The following NDST4 variants were observed in gnomAD, a reference collection of about 807,000 sequenced individuals.
NDST4 encodes the protein N-deacetylase and N-sulfotransferase 4, also known as N-heparan sulfate sulfotransferase 4.
NDST4 carries 63 observed loss-of-function variants against 100.8 expected under a neutral mutation model. The ratio of observed to expected loss-of-function variants is 0.62; its 90% confidence interval spans 0.51 to 0.77. NDST4 has a LOEUF of 0.77. NDST4 is among the 30% of genes least tolerant of loss of function. The pLI is 0.00. For synonymous variants in NDST4, 377 were observed against 361.8 expected, an observed-to-expected ratio of 1.04 and a Z score of -0.48; for missense variants, 943 against 1,018.4, an observed-to-expected ratio of 0.93 and a Z score of 1.01.
chr4:114,907,091 T>A (rs1237231907), intron 6 of NDST4, among the ~76,000 whole-genome samples: 2 of 152,130 alleles, frequency 1.3e-5, no homozygotes, highest in Non-Finnish European at 2.9e-5. Context: ...TAACTAGCTA[T>A]AGCACATTGG....
chr4:114,977,322 G>T, intron 2 of NDST4, 48 bp from the exon 3 acceptor site: 1 of 1,306,730 alleles, frequency 7.7e-7, no homozygotes, highest in Non-Finnish European at 1.1e-6. Context: ...TAAATATGAA[G>T]TTTTGGGATG....
At chr4:115,081,359 A>G (rs894857359) in intron 1 of NDST4, among the ~76,000 whole-genome samples, 2 of 152,148 alleles carry the variant, frequency 1.3e-5, no homozygotes, top group East Asian at 1.9e-4. Context: ...TTGATATACC[A>G]TAAGTGTTTA....
At chr4:114,882,551 T>C (rs2126201852) in intron 6 of NDST4, among the ~76,000 whole-genome samples, 1 of 151,106 alleles carries the variant, frequency 6.6e-6, no homozygotes, top group African/African-American at 2.4e-5. Context: ...TGAAGAGAGG[T>C]AAAGAGAAAC....
intron 2 of NDST4, among the ~76,000 whole-genome samples, chr4:115,001,130 C>T (rs1727281023): frequency 6.6e-6 from 1 of 152,028 alleles, no homozygotes; most frequent in South Asian, 2.1e-4. Flanking sequence ...ACATTCAGAC[C>T]ATAGCATTTA....
intron 2 of NDST4, among the ~76,000 whole-genome samples, chr4:115,050,207 G>A (rs955982673): frequency 2.6e-5 from 4 of 152,060 alleles, no homozygotes; most frequent in African/African-American, 9.7e-5. Context: ...AATGGTAATA[G>A]TTTTGGTCTG....
intron 6 of NDST4, among the ~76,000 whole-genome samples, chr4:114,916,753 T>C (rs1039013794): frequency 5.9e-5 from 9 of 151,926 alleles, no homozygotes; most frequent in Admixed American, 5.2e-4. Flanking sequence ...ATTTGAACTC[T>C]TGGGCTTAAG....
At chr4:114,831,567 C>T (rs11943929) in intron 12 of NDST4, among the ~76,000 whole-genome samples, 21,023 of 152,056 alleles carry the variant, frequency 0.14, 2,650 homozygotes, top group African/African-American at 0.33. Context: ...CATATTTATA[C>T]ACATGCTGAG....
chr4:114,836,273 T>G (rs1165568026), intron 11 of NDST4, among the ~76,000 whole-genome samples: 1 of 152,238 alleles, frequency 6.6e-6, no homozygotes, highest in Non-Finnish European at 1.5e-5. Flanking sequence ...CCATATTTAG[T>G]GCTTCTGTCA....
chr4:115,080,569 C>T (rs1363043907), intron 1 of NDST4, among the ~76,000 whole-genome samples: 1 of 152,060 alleles, frequency 6.6e-6, no homozygotes, highest in Admixed American at 6.6e-5. Context: ...TTGGTTTGGT[C>T]TGAAATATAT....
intron 1 of NDST4, among the ~76,000 whole-genome samples, chr4:115,078,648 G>T (rs114874128): frequency 0.011 from 1,671 of 152,114 alleles, 15 homozygotes; most frequent in African/African-American, 0.02. Context: ...AGATCAGCCT[G>T]GTAGGGATAG....
chr4:115,098,336 C>T (rs188785691), intron 1 of NDST4, among the ~76,000 whole-genome samples: 41 of 152,242 alleles, frequency 2.7e-4, no homozygotes, highest in African/African-American at 9.4e-4. Flanking sequence ...GATGTGAAGA[C>T]TGACATGGTA....
intron 4 of NDST4, among the ~76,000 whole-genome samples, chr4:114,960,151 G>T (rs1726229817): frequency 6.6e-6 from 1 of 152,202 alleles, no homozygotes; most frequent in Admixed American, 6.5e-5. Flanking sequence ...ATCAGTAATT[G>T]TATATCTAGC....
At chr4:115,106,567 T>C (rs1729837209) in intron 1 of NDST4, among the ~76,000 whole-genome samples, 1 of 152,110 alleles carries the variant, frequency 6.6e-6, no homozygotes, top group African/African-American at 2.4e-5. Context: ...CCTAATACGA[T>C]GTGAATGATA....
intron 2 of NDST4, among the ~76,000 whole-genome samples, chr4:115,034,269 T>G (rs1321360658): frequency 6.6e-6 from 1 of 152,090 alleles, no homozygotes; most frequent in African/African-American, 2.4e-5. Flanking sequence ...TTGTTTACTC[T>G]GTCCCAAGTG....
At chr4:114,850,756 A>G (rs1409782662) in intron 8 of NDST4, among the ~76,000 whole-genome samples, 1 of 152,164 alleles carries the variant, frequency 6.6e-6, no homozygotes, top group African/African-American at 2.4e-5. Flanking sequence ...TCTAAGGCCA[A>G]TGAGTTATGC....
chr4:114,863,158 CAT>C (rs1435692893), intron 7 of NDST4, among the ~76,000 whole-genome samples: 1 of 152,152 alleles, frequency 6.6e-6, no homozygotes, highest in East Asian at 1.9e-4. Flanking sequence ...TACCAGCAAA[CAT>C]AATGTCTAAC....
chr4:114,998,236 T>G (rs1727208017), intron 2 of NDST4, among the ~76,000 whole-genome samples: 1 of 152,172 alleles, frequency 6.6e-6, no homozygotes. Context: ...TGCTTCACAC[T>G]GTAACTTTCT....
At chr4:115,078,650 T>A (rs114685092) in intron 1 of NDST4, among the ~76,000 whole-genome samples, 1,687 of 151,966 alleles carry the variant, frequency 0.011, 15 homozygotes, top group African/African-American at 0.02. Context: ...ATCAGCCTGG[T>A]AGGGATAGTG....
chr4:115,076,911 T>A lies in NDST4; in HGVS notation c.126A>T (p.Thr42=). 6.2e-7 allele frequency: 1 copy of A among 1,613,780 alleles called. No homozygotes were observed. Among genetic ancestry groups the A allele is most frequent in the South Asian group, 1.1e-5 (1 of 91,076 alleles). ...FLYSGYKQEM[T]LIETTAEAEC... is the part of the protein sequence containing the mutation. ...CTGCTTCTGCAGTGGTTTCAATAAG[T>A]GTCATTTCCTGTTTGTAGCCAGAGT... Residue 42 remains threonine, a synonymous_variant, in exon 2 of 14, where the codon ACA becomes ACT. Transcript: ENST00000264363.
Sources: gnomAD v4.1 joint callset for allele counts (sites outside exome capture counted in the v4.1 genomes callset) on GRCh38, gnomAD v4.1.1 for gene constraint, MANE v1.5 for transcripts, NCBI Gene and HGNC (gene_info 2026-07-23, HGNC 2026-07-21) for gene names.